NLK: variants seen among roughly 807,000 people sequenced by gnomAD.
The protein encoded by NLK is nemo like kinase.
NLK carries 11 observed loss-of-function variants against 59.0 expected under a neutral mutation model. That is an observed-to-expected ratio of 0.19 (90% confidence interval 0.12 to 0.31). The LOEUF (loss-of-function observed/expected upper bound fraction) is 0.31, where lower values mean the gene tolerates loss of function less well. Among genes scored for constraint, NLK ranks in the 10% least tolerant of loss-of-function variants. The pLI is 1.00. For synonymous variants in NLK, 235 were observed against 235.9 expected, an observed-to-expected ratio of 1.00 and a Z score of 0.03; for missense variants, 410 against 661.1, an observed-to-expected ratio of 0.62 and a Z score of 4.16.
At chr17:28,143,179 G>A (rs1907081886) in intron 3 of NLK, among the ~76,000 whole-genome samples, 1 of 151,902 alleles carries the variant, frequency 6.6e-6, no homozygotes, top group Non-Finnish European at 1.5e-5. Flanking sequence ...GAGTAACTGG[G>A]ACTACAGGCA....
intron 1 of NLK, among the ~76,000 whole-genome samples, chr17:28,058,955 G>A (rs1335117771): frequency 3.9e-5 from 6 of 151,908 alleles, no homozygotes; most frequent in African/African-American, 1.5e-4. Context: ...ACAAAACCCC[G>A]TCTCTACTGA....
chr17:28,043,098 C>CGCAGCAGCGGCTGCAGCT lies in NLK; in HGVS notation c.231_248dup (p.Ala78_Ala83dup). 1.3e-6 allele frequency: 2 copies of CGCAGCAGCGGCTGCAGCT among 1,583,700 alleles called. No individual in the cohort carries two copies. Among genetic ancestry groups the CGCAGCAGCGGCTGCAGCT allele is most frequent in the Non-Finnish European group, 1.7e-6 (2 of 1,164,926 alleles). On this transcript the variant is annotated inframe_insertion, in exon 1 of 11. Coordinates refer to ENST00000407008, the MANE Select transcript of NLK (RefSeq NM_016231.5). ...ACACCTCTTCGGCAGCTGCGGCAGCCGCAGCAGCGGCTGCAGCTGCAGCCA... is the reference window on the plus strand; with the variant it reads ...ACACCTCTTCGGCAGCTGCGGCAGCCGCAGCAGCGGCTGCAGCTGCAGCAGCGGCTGCAGCTGCAGCCA...
At chr17:28,076,285 C>T (rs1332581884) in intron 1 of NLK, among the ~76,000 whole-genome samples, 2 of 152,094 alleles carry the variant, frequency 1.3e-5, no homozygotes, top group African/African-American at 4.8e-5. Flanking sequence ...CTAGGAAGTC[C>T]AAGATCAAAG....
chr17:28,093,892 G>A (rs1297309903), intron 1 of NLK, among the ~76,000 whole-genome samples: 1 of 152,152 alleles, frequency 6.6e-6, no homozygotes, highest in African/African-American at 2.4e-5. Context: ...TGAACATTGT[G>A]TCAGGACTTA....
intron 1 of NLK, among the ~76,000 whole-genome samples, chr17:28,085,388 G>A (rs979999765): frequency 3.9e-5 from 6 of 152,174 alleles, no homozygotes; most frequent in African/African-American, 9.7e-5. Context: ...GTCATGCACT[G>A]CATAATGATG....
intron 1 of NLK, among the ~76,000 whole-genome samples, chr17:28,057,829 A>ATAT (rs780021126): frequency 6.6e-6 from 1 of 152,188 alleles, no homozygotes; most frequent in Non-Finnish European, 1.5e-5. Context: ...TTGTTTCCCC[A>ATAT]AGGGTAATGA....
intron 2 of NLK, among the ~76,000 whole-genome samples, chr17:28,129,341 TA>T (rs1358250473): frequency 4.6e-5 from 7 of 152,042 alleles, no homozygotes; most frequent in African/African-American, 1.7e-4. Flanking sequence ...TAGTCCCAGC[TA>T]CTTGGGAGGC....
At chr17:28,106,893 G>C (rs745637581) in intron 1 of NLK, among the ~76,000 whole-genome samples, 31 of 152,016 alleles carry the variant, frequency 2.0e-4, no homozygotes, top group Non-Finnish European at 4.0e-4. Context: ...AGAAAAAATA[G>C]AGCATATATA....
chr17:28,054,241 G>A (rs1237301661), intron 1 of NLK, among the ~76,000 whole-genome samples: 1 of 152,142 alleles, frequency 6.6e-6, no homozygotes, highest in Non-Finnish European at 1.5e-5. Context: ...TTAATTGATT[G>A]GCTTCCTCTG....
At chr17:28,114,213 G>A (rs1311080975) in intron 1 of NLK, among the ~76,000 whole-genome samples, 1 of 152,112 alleles carries the variant, frequency 6.6e-6, no homozygotes, top group African/African-American at 2.4e-5. Context: ...GAATACGCTT[G>A]CATGTGTCTT....
chr17:28,167,865 GT>G (rs974435548), intron 5 of NLK, among the ~76,000 whole-genome samples: 4 of 151,236 alleles, frequency 2.6e-5, no homozygotes, highest in Non-Finnish European at 5.9e-5. Context: ...CGTTCACCTA[GT>G]TTTTTTTGCT....
At chr17:28,149,255 G>T (rs570224779) in intron 3 of NLK, among the ~76,000 whole-genome samples, 1 of 152,182 alleles carries the variant, frequency 6.6e-6, no homozygotes, top group East Asian at 1.9e-4. Flanking sequence ...GTAGAGACGG[G>T]ATCTCTTTAT....
At chr17:28,052,890 T>G (rs1054071078) in intron 1 of NLK, among the ~76,000 whole-genome samples, 53 of 146,576 alleles carry the variant, frequency 3.6e-4, no homozygotes, top group African/African-American at 1.2e-3. Flanking sequence ...TCTCTGGTGT[T>G]TTTTTTTTTT....
intron 7 of NLK, among the ~76,000 whole-genome samples, chr17:28,179,594 C>A (rs1908817065): frequency 6.6e-6 from 1 of 151,806 alleles, no homozygotes; most frequent in Admixed American, 6.6e-5. Context: ...GTTAGCCAGG[C>A]ATGGTGGCAG....
intron 2 of NLK, among the ~76,000 whole-genome samples, chr17:28,123,416 A>G (rs1906157782): frequency 6.6e-6 from 1 of 152,208 alleles, no homozygotes; most frequent in African/African-American, 2.4e-5. Flanking sequence ...GTGACTGAAC[A>G]ATGAACAAGT....
intron 7 of NLK, among the ~76,000 whole-genome samples, chr17:28,175,954 C>T (rs1278175354): frequency 6.6e-6 from 1 of 152,058 alleles, no homozygotes; most frequent in East Asian, 1.9e-4. Flanking sequence ...TCAATTGATG[C>T]AGAAAAGGCA....
intron 1 of NLK, among the ~76,000 whole-genome samples, chr17:28,089,710 G>A (rs1000986204): frequency 3.3e-5 from 5 of 151,964 alleles, no homozygotes; most frequent in African/African-American, 9.7e-5. Flanking sequence ...CAGTACCTCC[G>A]TATCACTGCT....
intron 1 of NLK, among the ~76,000 whole-genome samples, chr17:28,077,317 C>T (rs992740587): frequency 2.0e-5 from 3 of 151,642 alleles, no homozygotes; most frequent in African/African-American, 7.3e-5. Flanking sequence ...AACATGGTGG[C>T]GGCAAGAGAA....
At chr17:28,045,435 G>A (rs560997267) in intron 1 of NLK, among the ~76,000 whole-genome samples, 1 of 152,266 alleles carries the variant, frequency 6.6e-6, no homozygotes, top group Non-Finnish European at 1.5e-5. Flanking sequence ...TCAAGGTACA[G>A]GTTTGGTTTC....
Sources: gnomAD v4.1 joint callset for allele counts (sites outside exome capture counted in the v4.1 genomes callset) on GRCh38, gnomAD v4.1.1 for gene constraint, MANE v1.5 for transcripts, NCBI Gene and HGNC (gene_info 2026-07-23, HGNC 2026-07-21) for gene names.